The following LIMCH1 variants were observed in gnomAD, a reference collection of about 807,000 sequenced individuals.
LIMCH1 encodes LIM and calponin homology domains-containing protein 1.
In LIMCH1, 113 loss-of-function variants were observed where a neutral mutation model predicts 176.5. The ratio of observed to expected loss-of-function variants is 0.64; its 90% confidence interval spans 0.55 to 0.75. The LOEUF (loss-of-function observed/expected upper bound fraction) is 0.75, where lower values mean the gene tolerates loss of function less well. LIMCH1 is among the 30% of genes least tolerant of loss of function. The probability of loss-of-function intolerance (pLI) is 0.00; values close to 1 mark genes in which losing one functional copy is unlikely to be tolerated. For missense variants in LIMCH1, 1,674 were observed against 1,814.9 expected (o/e 0.92, Z 1.41); for synonymous variants, 619 against 645.9 (o/e 0.96, Z 0.63).
intron 1 of LIMCH1, among the ~76,000 whole-genome samples, chr4:41,372,466 T>C (rs2054125033): frequency 6.6e-6 from 1 of 152,208 alleles, no homozygotes; most frequent in Non-Finnish European, 1.5e-5. Context: ...GATACTGTTT[T>C]ATGGTAGAAA....
At chr4:41,666,448 C>A (rs17444537) in intron 20 of LIMCH1, 113 bp from the exon 21 acceptor site, 340,139 of 621,716 alleles carry the variant, frequency 0.55, 97,048 homozygotes, top group African/African-American at 0.71. Flanking sequence ...TAAATGTTAA[C>A]TGTTTGAACT....
intron 1 of LIMCH1, among the ~76,000 whole-genome samples, chr4:41,580,222 C>T (rs1182106691): frequency 2.0e-5 from 3 of 149,000 alleles, no homozygotes; most frequent in Admixed American, 2.0e-4. Context: ...TAAAAATAGA[C>T]AGTTAAATGT....
chr4:41,570,221 A>T (rs997227537), intron 1 of LIMCH1, among the ~76,000 whole-genome samples: 2 of 152,220 alleles, frequency 1.3e-5, no homozygotes, highest in African/African-American at 4.8e-5. Context: ...TGGCACGCAT[A>T]ATTCTGTGGC....
chr4:41,567,660 C>G (rs548066772), intron 1 of LIMCH1, among the ~76,000 whole-genome samples: 2 of 152,102 alleles, frequency 1.3e-5, no homozygotes, highest in East Asian at 1.9e-4. Flanking sequence ...GGGGCTTAGA[C>G]AGATTATGTA....
At chr4:41,695,391 G>A (rs1406935507) in intron 31 of LIMCH1, among the ~76,000 whole-genome samples, 1 of 151,142 alleles carries the variant, frequency 6.6e-6, no homozygotes, top group Non-Finnish European at 1.5e-5. Flanking sequence ...GGTAAAAAAT[G>A]AGGTAGCTAT....
intron 24 of LIMCH1, 105 bp from the exon 25 acceptor site, chr4:41,680,850 C>A (rs1715106388): frequency 1.7e-6 from 1 of 595,226 alleles, no homozygotes; most frequent in Non-Finnish European, 3.1e-6. Flanking sequence ...CCTGCTTGTT[C>A]GAACATATTC....
intron 21 of LIMCH1, among the ~76,000 whole-genome samples, chr4:41,668,387 A>G (rs905903697): frequency 4.6e-5 from 7 of 152,246 alleles, no homozygotes; most frequent in African/African-American, 1.7e-4. Flanking sequence ...GCAAATGGCC[A>G]TATTTGGACC....
Position 41,466,971 on chromosome 4 carries a change from T to G in LIMCH1, c.97-27565T>G, listed in dbSNP as rs151057619. ...TTTGGAAACCACCATGCTACCTTTT[T>G]TCTCTATGAATCGGAATACTCTAGG... On this transcript the variant is annotated intron_variant, in intron 1 of 26. Transcript: ENST00000313860. Among the ~76,000 whole-genome samples the G allele has an allele frequency of 2.1e-3, 319 of 152,204 alleles. 3 individuals are homozygous for G. Among genetic ancestry groups the G allele is most frequent in the African/African-American group, 7.2e-3 (297 of 41,538 alleles).
chr4:41,576,777 A>G (rs2084545602), intron 1 of LIMCH1, among the ~76,000 whole-genome samples: 1 of 152,198 alleles, frequency 6.6e-6, no homozygotes, highest in South Asian at 2.1e-4. Context: ...ATTTTTTTAA[A>G]TGATGGCATT....
chr4:41,403,309 G>A (rs772735234), intron 1 of LIMCH1, among the ~76,000 whole-genome samples: 2 of 152,090 alleles, frequency 1.3e-5, no homozygotes, highest in Non-Finnish European at 2.9e-5. Flanking sequence ...CGCCGGGCAC[G>A]GTGGTTCACA....
intron 1 of LIMCH1, among the ~76,000 whole-genome samples, chr4:41,570,942 G>A (rs1357955655): frequency 6.6e-6 from 1 of 152,186 alleles, no homozygotes; most frequent in Non-Finnish European, 1.5e-5. Flanking sequence ...TGTGTCAAAT[G>A]CAGGTAGAGA....
Position 41,376,771 on chromosome 4 carries a change from T to C in LIMCH1, c.96+15835T>C, listed in dbSNP as rs556750890. On this transcript the variant is annotated intron_variant, in intron 1 of 26. Coordinates refer to the LIMCH1 transcript ENST00000313860. ...GGAACTAGAGTTCTTCTAAGAAATTTCTTACGTTTTCGTTCATTAAGTTAT... is the reference window on the plus strand; with the variant it reads ...GGAACTAGAGTTCTTCTAAGAAATTCCTTACGTTTTCGTTCATTAAGTTAT... Among the ~76,000 whole-genome samples, 3 of 152,316 alleles carry C rather than the reference T, an allele frequency of 2.0e-5. No individual in the cohort carries two copies. The South Asian group carries it at 6.2e-4, about 32-fold the overall frequency.
rs141987800 is a variant in LIMCH1 at position 41,669,720 on chromosome 4, A to T, written c.3398-1834A>T. Among the ~76,000 whole-genome samples, 683 of 152,360 alleles carry T rather than the reference A, an allele frequency of 4.5e-3. 2 individuals carry two copies. Among genetic ancestry groups the T allele is most frequent in the Non-Finnish European group, 7.4e-3 (502 of 68,034 alleles). ...ATCTTTCAAGAAGCCAGAGACCTCT[A>T]ATAAATGTAACCTTAAAATACATGA... On this transcript the variant is annotated intron_variant, in intron 21 of 31. Transcript: ENST00000503057.
chr4:41,402,433 C>G (rs1431501670), intron 1 of LIMCH1, among the ~76,000 whole-genome samples: 1 of 149,250 alleles, frequency 6.7e-6, no homozygotes, highest in East Asian at 2.0e-4. Context: ...CCTCAGGGAT[C>G]TAGAACTAGA....
intron 1 of LIMCH1, among the ~76,000 whole-genome samples, chr4:41,378,339 G>A (rs2055093218): frequency 6.6e-6 from 1 of 152,172 alleles, no homozygotes; most frequent in African/African-American, 2.4e-5. Context: ...TGACTGTGGG[G>A]GAAGTTATTT....
intron 1 of LIMCH1, among the ~76,000 whole-genome samples, chr4:41,585,287 G>A (rs1393481891): frequency 6.6e-6 from 1 of 152,152 alleles, no homozygotes; most frequent in Non-Finnish European, 1.5e-5. Flanking sequence ...TCATGTATAA[G>A]TGGAATCCTG....
chr4:41,376,237 G>T (rs2054754761), intron 1 of LIMCH1, among the ~76,000 whole-genome samples: 1 of 152,112 alleles, frequency 6.6e-6, no homozygotes. Flanking sequence ...GAGTGTTTAG[G>T]TATGGTGTCA....
In LIMCH1 at chr4:41,538,264, T is replaced by G; in HGVS notation, c.-327T>G. On this transcript the variant is annotated 5_prime_UTR_variant, in exon 1 of 32. Coordinates refer to ENST00000503057, the MANE Select transcript of LIMCH1 (RefSeq NM_001330672.2). ...GGCATTTCGGCTGCTGTGCTGGGGC[T>G]GACGAGGAGCACACAGGAGAGATGC... 1.0e-6 allele frequency: 1 copy of G among 985,522 alleles called. No individual in the cohort carries two copies. The highest frequency in any genetic ancestry group is 1.2e-6 in the Non-Finnish European group (1 of 830,020). The allele number at this position is 985,522 out of a possible 1,614,324, so 61.0% of individuals were successfully genotyped here.
chr4:41,443,090 C>A (rs2062867217), intron 1 of LIMCH1, among the ~76,000 whole-genome samples: 1 of 150,754 alleles, frequency 6.6e-6, no homozygotes, highest in African/African-American at 2.4e-5. Context: ...CATAAGCTAG[C>A]AAGCAACAGT....
Sources: gnomAD v4.1 joint callset for allele counts (sites outside exome capture counted in the v4.1 genomes callset) on GRCh38, gnomAD v4.1.1 for gene constraint, MANE v1.5 for transcripts, NCBI Gene and HGNC (gene_info 2026-07-23, HGNC 2026-07-21) for gene names.